SATB2: variants seen among roughly 807,000 people sequenced by gnomAD.
SATB2 encodes the protein DNA-binding protein SATB2.
SATB2 carries 1 observed loss-of-function variant against 73.4 expected under a neutral mutation model. The observed-to-expected ratio is 0.01, with a 90% CI of 0.00 to 0.06. SATB2 has a LOEUF of 0.06. Among genes scored for constraint, SATB2 ranks in the 10% least tolerant of loss-of-function variants. SATB2 has a pLI of 1.00. For missense variants in SATB2, 459 were observed against 945.8 expected (o/e 0.49, Z 6.75); for synonymous variants, 397 against 367.0 (o/e 1.08, Z -0.93).
At chr2:199,394,201 A>G (rs535809206) in intron 3 of SATB2, among the ~76,000 whole-genome samples, 4 of 152,360 alleles carry the variant, frequency 2.6e-5, no homozygotes, top group African/African-American at 9.6e-5. Flanking sequence ...CTCTTCTTAA[A>G]GATGTATTTG....
intron 3 of SATB2, among the ~76,000 whole-genome samples, chr2:199,424,655 C>T (rs2105917849): frequency 6.6e-6 from 1 of 152,012 alleles, no homozygotes; most frequent in East Asian, 1.9e-4. Flanking sequence ...CACAATTTTG[C>T]AAATAACTGA....
At chr2:199,458,721 G>A (rs1406819475), upstream of SATB2, 1 of 433,220 alleles carries the variant, frequency 2.3e-6, no homozygotes, top group Non-Finnish European at 4.6e-6. Flanking sequence ...GAGTACTTTC[G>A]ACTTTGGAGA....
At chr2:199,460,762 T>G (rs1692457448), upstream of SATB2, among the ~76,000 whole-genome samples, 1 of 152,236 alleles carries the variant, frequency 6.6e-6, no homozygotes. The surrounding 1 kb of genome is among the most constrained non-coding windows in gnomAD (Gnocchi z 4.0). Context: ...TACACTCTTA[T>G]AAACAACACG....
At chr2:199,294,143 G>A (rs1287683128) in intron 10 of SATB2, among the ~76,000 whole-genome samples, 1 of 152,070 alleles carries the variant, frequency 6.6e-6, no homozygotes, top group African/African-American at 2.4e-5. Context: ...ACATGAAATA[G>A]AAACTGATTA....
chr2:199,347,580 A>G (rs939996032), intron 7 of SATB2: 1 of 152,164 alleles, frequency 6.6e-6, no homozygotes, highest in African/African-American at 2.4e-5. Flanking sequence ...GCACCCACAT[A>G]GAGCTTAGCT....
intron 2 of SATB2, among the ~76,000 whole-genome samples, chr2:199,435,494 G>T (rs1434310793): frequency 6.6e-6 from 1 of 151,870 alleles, no homozygotes; most frequent in African/African-American, 2.4e-5. Context: ...GATTACAGGC[G>T]CCCGTCAACA....
chr2:199,275,697 T>C (rs980490143), intron 10 of SATB2, among the ~76,000 whole-genome samples: 3 of 152,166 alleles, frequency 2.0e-5, no homozygotes, highest in African/African-American at 2.4e-5. Flanking sequence ...AAGTGAAATA[T>C]ATAGTTTCTG....
intron 3 of SATB2, among the ~76,000 whole-genome samples, chr2:199,413,455 A>G (rs753587994): frequency 6.6e-6 from 1 of 152,096 alleles, no homozygotes; most frequent in Non-Finnish European, 1.5e-5. Flanking sequence ...CCTTGCTGGC[A>G]CTGTTAGCTT....
At chr2:199,342,659 C>T (rs1202981403) in intron 7 of SATB2, among the ~76,000 whole-genome samples, 4 of 151,892 alleles carry the variant, frequency 2.6e-5, no homozygotes, top group Non-Finnish European at 4.4e-5. Context: ...CTAGTTTAGA[C>T]CATGTATGTT....
At chr2:199,303,403 G>T (rs898874993) in intron 10 of SATB2, among the ~76,000 whole-genome samples, 1 of 152,178 alleles carries the variant, frequency 6.6e-6, no homozygotes, top group African/African-American at 2.4e-5. Context: ...GAAGATGAAG[G>T]AGAAGCAGCA....
chr2:199,324,801 G>A (rs1687986294), intron 8 of SATB2, among the ~76,000 whole-genome samples: 1 of 152,222 alleles, frequency 6.6e-6, no homozygotes, highest in African/African-American at 2.4e-5. Context: ...AATAAGAGAG[G>A]GCTGAGACAT....
At chr2:199,391,300 G>A (rs1248297388) in intron 3 of SATB2, among the ~76,000 whole-genome samples, 2 of 151,882 alleles carry the variant, frequency 1.3e-5, no homozygotes, top group Non-Finnish European at 2.9e-5. Context: ...AGGTGTGGTG[G>A]TGGGCGCCTG....
rs561392243 is a variant in SATB2, at chr2:199,271,125, C to G, written c.*1086G>C. On this transcript the variant is annotated 3_prime_UTR_variant, in exon 11 of 11. Transcript: ENST00000417098. ...AAACAAAAAGACAAAAAAACAGCAA[C>G]AACAAACAACTTTTAAACGAGCAGG... The G allele has an allele frequency of 6.5e-6, 1 of 152,700 alleles. No individual in the cohort carries two copies. Among genetic ancestry groups the G allele is most frequent in the South Asian group, 2.1e-4 (1 of 4,830 alleles). The allele number at this position is 152,700 out of a possible 1,614,324, so 9.5% of individuals were successfully genotyped here.
rs1297681856 is a variant in SATB2 at position 199,462,950 on chromosome 2, G to A, written c.-141+1886C>T. On this transcript the variant is annotated intron_variant, in intron 1 of 11. Coordinates refer to the SATB2 transcript ENST00000260926. The surrounding 1 kb of genome is among the most constrained non-coding windows in gnomAD (Gnocchi z 5.9). Reference sequence around the variant, plus strand: ...CAGGAGCTGCCTCAGGCGAGGACGGGGAGCTTTCTGCACTGGGCTTCCCGG... The same window carrying A: ...CAGGAGCTGCCTCAGGCGAGGACGGAGAGCTTTCTGCACTGGGCTTCCCGG... Among the ~76,000 whole-genome samples, 4 of 152,224 alleles carry A rather than the reference G, an allele frequency of 2.6e-5. No individual in the cohort carries two copies. Among genetic ancestry groups the A allele is most frequent in the Admixed American group, 1.3e-4 (2 of 15,292 alleles).
chr2:199,280,983 G>C (rs1203959770), intron 10 of SATB2, among the ~76,000 whole-genome samples: 1 of 152,138 alleles, frequency 6.6e-6, no homozygotes, highest in Non-Finnish European at 1.5e-5. Flanking sequence ...CAGGGAACCT[G>C]CTGACATGTG....
intron 2 of SATB2, among the ~76,000 whole-genome samples, chr2:199,450,730 C>T (rs1692099588): frequency 6.6e-6 from 1 of 151,922 alleles, no homozygotes; most frequent in African/African-American, 2.4e-5. Context: ...ATAATAAATA[C>T]TTTTTAAAAA....
chr2:199,353,728 C>T (rs936133232), intron 6 of SATB2, among the ~76,000 whole-genome samples: 3 of 152,070 alleles, frequency 2.0e-5, no homozygotes, highest in Non-Finnish European at 2.9e-5. Flanking sequence ...CCCTTCTCTC[C>T]CTTCCTTTCC....
At chr2:199,334,123 T>C (rs954735114) in intron 7 of SATB2, among the ~76,000 whole-genome samples, 4 of 152,150 alleles carry the variant, frequency 2.6e-5, no homozygotes, top group Admixed American at 2.0e-4. Flanking sequence ...TAGGTTCCAA[T>C]GTGAACAAAG....
At chr2:199,314,631 A>C (rs1412503194) in intron 9 of SATB2, among the ~76,000 whole-genome samples, 1 of 152,124 alleles carries the variant, frequency 6.6e-6, no homozygotes, top group Non-Finnish European at 1.5e-5. Context: ...CAAGAAAGTG[A>C]GTAATTCTGA....
Sources: gnomAD v4.1 joint callset for allele counts (sites outside exome capture counted in the v4.1 genomes callset) on GRCh38, gnomAD v4.1.1 for gene constraint, Gnocchi (gnomAD v3.1) non-coding constraint, MANE v1.5 for transcripts, NCBI Gene and HGNC (gene_info 2026-07-23, HGNC 2026-07-21) for gene names.